HSPA5: variants seen among roughly 807,000 people sequenced by gnomAD.
HSPA5 encodes the protein endoplasmic reticulum chaperone BiP.
A neutral mutation model predicts 49.5 loss-of-function variants in HSPA5; 16 were observed. The ratio of observed to expected loss-of-function variants is 0.32; its 90% CI spans 0.22 to 0.49. The LOEUF (loss-of-function observed/expected upper bound fraction) is 0.49, where lower values mean the gene tolerates loss of function less well. Among genes scored for constraint, HSPA5 ranks in the 20% least tolerant of loss-of-function variants. The pLI is 0.99. For synonymous variants in HSPA5, 271 were observed against 307.2 expected, an observed-to-expected ratio of 0.88 and a Z score of 1.23; for missense variants, 376 against 819.0, an observed-to-expected ratio of 0.46 and a Z score of 6.60.
In HSPA5 at chr9:125,239,641, G is replaced by A; in HGVS notation, c.493-108C>T. 1.2e-6 allele frequency: 1 copy of A among 817,302 alleles called. No individual in the cohort carries two copies. Among genetic ancestry groups the A allele is most frequent in the Non-Finnish European group, 2.0e-6 (1 of 498,266 alleles). 50.6% of individuals were successfully genotyped at this position (817,302 alleles called of 1,614,324 possible). A position where few individuals can be genotyped will look rare whatever the true frequency, so the allele number is the denominator to read the frequency against. ...TGCCTATAATCCCAGCACTTTGGGA[G>A]GCTGAGGCAGGAGGATCACCTGAGG... On this transcript the variant is annotated intron_variant, in intron 3 of 7. Coordinates refer to ENST00000324460, the MANE Select transcript of HSPA5 (RefSeq NM_005347.5). This position sits in a 1 kb window ranked among gnomAD's most constrained non-coding sequence, Gnocchi z 5.5.
At chr9:125,237,692 T>C (rs959378777) in intron 7 of HSPA5, among the ~76,000 whole-genome samples, 1 of 145,098 alleles carries the variant, frequency 6.9e-6, no homozygotes, top group Admixed American at 6.8e-5. Flanking sequence ...AAAAAAAGAA[T>C]GCTAAATATC....
In HSPA5 at chr9:125,238,612, C is replaced by G. The variant is rs201202868; in HGVS notation, c.1212G>C (p.Val404=). ...VAYGAAVQAG[V]LSGDQDTGDL... is the part of the protein sequence containing the mutation. The stretch of plus-strand genomic sequence containing the variant: ...TACCTGTATCTTGATCACCAGAGAG[C>G]ACACCAGCCTGGACAGCAGCACCAT... The change falls in exon 6 of 8, where the codon GTG becomes GTC. Residue 404 remains valine (V), a synonymous_variant. Transcript: ENST00000324460. 4.3e-6 allele frequency: 7 copies of G among 1,613,848 alleles called. No individual in the cohort carries two copies. The highest frequency in any genetic ancestry group is 5.9e-6 in the Non-Finnish European group (7 of 1,179,810).
Position 125,236,814 on chromosome 9 carries a change from C to T in HSPA5, c.1743G>A (p.Lys581=). The T allele has an allele frequency of 6.2e-7, 1 of 1,613,656 alleles. No homozygotes were observed. The highest frequency in any genetic ancestry group is 8.5e-7 in the Non-Finnish European group (1 of 1,179,690). ...CTTCAGAGGAAAGTTTACCTCCCAG[C>T]TTTTCTTTATCTCCAATCTGATTCT... is the stretch of plus-strand genomic sequence containing the variant. The part of the protein sequence containing the change: ...SLKNQIGDKE[K]LGGKLSSEDK... The change falls in exon 8 of 8, where the codon AAG becomes AAA. Residue 581 remains lysine, a synonymous_variant. Transcript: ENST00000324460.
Position 125,239,777 on chromosome 9 carries a change from A to C in HSPA5, c.493-244T>G, listed in dbSNP as rs1832541277. ...TGGTGGTGTGCCTGTAGTTCCAGTT[A>C]CTTGGGAGGCTGAGGCAGGAGAGCT... On this transcript the variant is annotated intron_variant, in intron 3 of 7. Transcript: ENST00000324460. The surrounding 1 kb of genome is among the most constrained non-coding windows in gnomAD (Gnocchi z 5.5). Among the ~76,000 whole-genome samples the C allele has an allele frequency of 6.6e-6, 1 of 151,528 alleles. No homozygotes were observed. The highest frequency in any genetic ancestry group is 1.5e-5 in the Non-Finnish European group (1 of 67,930).
chr9:125,241,051 C>T lies in HSPA5; in HGVS notation c.76G>A (p.Asp26Asn), dbSNP rs61999288. 1.0e-4 allele frequency: 165 copies of T among 1,613,924 alleles called. No individual in the cohort carries two copies. The highest frequency in any genetic ancestry group is 1.2e-4 in the Non-Finnish European group (143 of 1,180,010). Reference protein sequence around the residue: ...ARAEEEDKKEDVGTVVGIDLG... With the variant: ...ARAEEEDKKENVGTVVGIDLG... ...TCGATGCCGACCACCGTGCCCACGT[C>T]CTCCTTCTTGTCCTCCTCCTCGGCC... The change falls in exon 1 of 8, where the codon GAC (aspartate) becomes AAC (asparagine). Residue 26 changes from aspartate to asparagine, a missense_variant. Coordinates refer to ENST00000324460, the MANE Select transcript of HSPA5 (RefSeq NM_005347.5).
Position 125,240,196 on chromosome 9 carries a change from G to T in HSPA5, c.468C>A (p.Thr156=), listed in dbSNP as rs187155224. 6.2e-7 allele frequency: 1 copy of T among 1,602,162 alleles called. No individual in the cohort carries two copies. Among genetic ancestry groups the T allele is most frequent in the Non-Finnish European group, 8.5e-7 (1 of 1,176,298 alleles). ...SAMVLTKMKE[T]AEAYLGKKVT... is the part of the protein sequence containing the mutation. Reference sequence around the variant, plus strand: ...CCTTCTTTCCCAAATAAGCCTCAGCGGTTTCTTTCATTTTAGTGAGAACCA... The same window carrying T: ...CCTTCTTTCCCAAATAAGCCTCAGCTGTTTCTTTCATTTTAGTGAGAACCA... Residue 156 remains threonine (T), a synonymous_variant, in exon 3 of 8, where the codon ACC becomes ACA. Transcript: ENST00000324460. This position sits in a 1 kb window ranked among gnomAD's most constrained non-coding sequence, Gnocchi z 4.4.
At chr9:125,238,337 TTC>T in intron 6 of HSPA5, 29 bp from the exon 7 acceptor site, 1 of 1,590,900 alleles carries the variant, frequency 6.3e-7, no homozygotes, top group Non-Finnish European at 8.6e-7. Context: ...TAACTTTTAA[TTC>T]AAGTTCTCCC....
chr9:125,236,971 T>G lies in HSPA5; in HGVS notation c.1586A>C (p.Asp529Ala), dbSNP rs758725284. 6.2e-7 allele frequency: 1 copy of G among 1,613,994 alleles called. No individual in the cohort carries two copies. The highest frequency in any genetic ancestry group is 8.5e-7 in the Non-Finnish European group (1 of 1,179,882). Reference protein sequence around the residue: ...GNKNKITITNDQNRLTPEEIE... With the variant: ...GNKNKITITNAQNRLTPEEIE... ...TTCTTCAGGTGTCAGGCGATTCTGG[T>G]CATTGGTGATTGTGATCTTATTTTT... The change falls in exon 8 of 8, where the codon GAC becomes GCC. Residue 529 changes from aspartate to alanine, a missense_variant. Asp to Ala is a moderately radical substitution (Grantham distance 126). Around this residue, in one of 8 missense-constraint regions of HSPA5, gnomAD observed 71 missense variants for 169.9 expected, o/e 0.42. Transcript: ENST00000324460.
At chr9:125,237,608 C>T (rs1041193109) in intron 7 of HSPA5, among the ~76,000 whole-genome samples, 2 of 149,946 alleles carry the variant, frequency 1.3e-5, no homozygotes, top group Non-Finnish European at 3.0e-5. Flanking sequence ...CCCAGCTATT[C>T]GGGAGGCAGA....
chr9:125,236,899 T>C lies in HSPA5; in HGVS notation c.1658A>G (p.Lys553Arg). 1.2e-6 allele frequency: 2 copies of C among 1,614,004 alleles called. No individual in the cohort carries two copies. Among genetic ancestry groups the C allele is most frequent in the African/African-American group, 1.3e-5 (1 of 75,058 alleles). The change falls in exon 8 of 8, where the codon AAA becomes AGA. Residue 553 changes from lysine to arginine, a missense_variant. Coordinates refer to ENST00000324460, the MANE Select transcript of HSPA5 (RefSeq NM_005347.5). ...NDAEKFAEED[K>R]KLKERIDTRN... ...AGTATCAATGCGCTCCTTGAGCTTT[T>C]TGTCTTCCTCAGCAAACTTCTCAGC...
Position 125,239,318 on chromosome 9 carries a change from T to C in HSPA5, c.619A>G (p.Ile207Val). The change falls in exon 5 of 8, where the codon ATT becomes GTT. Residue 207 changes from isoleucine (I) to valine (V), a missense_variant. Around this residue, in one of 8 missense-constraint regions of HSPA5, gnomAD observed 89 missense variants for 200.0 expected, o/e 0.44. Transcript: ENST00000324460. This position sits in a 1 kb window ranked among gnomAD's most constrained non-coding sequence, Gnocchi z 5.5. ...RIINEPTAAA[I>V]AYGLDKREGE... is the part of the protein sequence containing the mutation. Reference sequence around the variant, plus strand: ...TCCCTCTTATCCAGGCCATAAGCAATAGCAGCTGCCGTACTATTAGATTGA... The same window carrying C: ...TCCCTCTTATCCAGGCCATAAGCAACAGCAGCTGCCGTACTATTAGATTGA... 1 of 1,612,534 alleles carries C rather than the reference T, an allele frequency of 6.2e-7. No homozygotes were observed. Among genetic ancestry groups the C allele is most frequent in the Non-Finnish European group, 8.5e-7 (1 of 1,178,590 alleles).
chr9:125,240,620 T>TA lies in HSPA5; in HGVS notation c.354+55dup. 7.0e-7 allele frequency: 1 copy of TA among 1,429,130 alleles called. No individual in the cohort carries two copies. Among genetic ancestry groups the TA allele is most frequent in the Non-Finnish European group, 9.8e-7 (1 of 1,017,458 alleles). The allele number at this position is 1,429,130 out of a possible 1,614,324, so 88.5% of individuals were successfully genotyped here. Reference sequence around the variant, plus strand: ...ACACTTTTCCAGAGACTTATAACTCTAAATACTCCCACCACCCACCCGTTC... The same window carrying TA: ...ACACTTTTCCAGAGACTTATAACTCTAAAATACTCCCACCACCCACCCGTTC... On this transcript the variant is annotated intron_variant, in intron 2 of 7. Coordinates refer to ENST00000324460, the MANE Select transcript of HSPA5 (RefSeq NM_005347.5). The surrounding 1 kb of genome is among the most constrained non-coding windows in gnomAD (Gnocchi z 4.4).
intron 5 of HSPA5, 47 bp downstream of exon 5, chr9:125,238,894 A>C: frequency 6.2e-7 from 1 of 1,606,228 alleles, no homozygotes; most frequent in Non-Finnish European, 8.5e-7. Flanking sequence ...TCCTGAATTC[A>C]GAGTCTAAGG....
chr9:125,237,909 C>T (rs1832518005), intron 7 of HSPA5, among the ~76,000 whole-genome samples: 1 of 152,056 alleles, frequency 6.6e-6, no homozygotes. Flanking sequence ...GGAGACCAGC[C>T]TGGGAAACAT....
In HSPA5 at chr9:125,236,410, C is replaced by A; in HGVS notation, c.*182G>T. On this transcript the variant is annotated 3_prime_UTR_variant, in exon 8 of 8. Transcript: ENST00000324460. Reference sequence around the variant, plus strand: ...GGCCAATTCTTCTTCTCCCCCCCACCCAAAGACATGTGAGCAACTGCTAAT... The same window carrying A: ...GGCCAATTCTTCTTCTCCCCCCCACACAAAGACATGTGAGCAACTGCTAAT... The A allele has an allele frequency of 2.0e-6, 1 of 498,282 alleles. No homozygotes were observed. Among genetic ancestry groups the A allele is most frequent in the Non-Finnish European group, 3.5e-6 (1 of 285,850 alleles). 30.9% of individuals were successfully genotyped at this position (498,282 alleles called of 1,614,324 possible).
Position 125,241,137 on chromosome 9 carries a change from A to G in HSPA5, c.-11T>C. The G allele has an allele frequency of 2.5e-6, 4 of 1,609,172 alleles. No homozygotes were observed. The highest frequency in any genetic ancestry group is 3.4e-6 in the Non-Finnish European group (4 of 1,178,324). ...CAGGGAGAGCTTCATCTTGCCAGCC[A>G]GTTGGGCAGCAGCAGGCAGTCCAGC... On this transcript the variant is annotated 5_prime_UTR_variant, in exon 1 of 8. Coordinates refer to ENST00000324460, the MANE Select transcript of HSPA5 (RefSeq NM_005347.5).
chr9:125,238,259 A>G lies in HSPA5; in HGVS notation c.1284T>C (p.Thr428=), dbSNP rs373604834. 1.2e-6 allele frequency: 2 copies of G among 1,613,850 alleles called. No individual in the cohort carries two copies. Among genetic ancestry groups the G allele is most frequent in the African/African-American group, 2.7e-5 (2 of 74,938 alleles). ...DVCPLTLGIE[T]VGGVMTKLIP... ...TCAGTTTGGTCATGACACCTCCCACAGTTTCAATACCAAGTGTAAGGGGAC... is the reference window on the plus strand; with the variant it reads ...TCAGTTTGGTCATGACACCTCCCACGGTTTCAATACCAAGTGTAAGGGGAC... The change falls in exon 7 of 8, where the codon ACT becomes ACC. Residue 428 remains threonine (T), a synonymous_variant. Coordinates refer to ENST00000324460, the MANE Select transcript of HSPA5 (RefSeq NM_005347.5).
chr9:125,238,880 A>G, intron 5 of HSPA5, 53 bp from the exon 6 acceptor site: 1 of 1,605,352 alleles, frequency 6.2e-7, no homozygotes, highest in Non-Finnish European at 8.5e-7. Context: ...ATCTAGATGC[A>G]ATGTCCTGAA....
At position 125,236,704 on chromosome 9, in the gene HSPA5, G is replaced by T. The variant is rs1275953631; in HGVS notation, c.1853C>A (p.Ala618Asp). 1 of 1,613,750 alleles carries T rather than the reference G, an allele frequency of 6.2e-7. No individual in the cohort carries two copies. The highest frequency in any genetic ancestry group is 1.7e-4 in the Middle Eastern group (1 of 6,056). ...AATTTCTTCCAGTTCCTTCTTCTTAGCTTTGAAGTCTTCAATGTCAGCATC... is the reference window on the plus strand; with the variant it reads ...AATTTCTTCCAGTTCCTTCTTCTTATCTTTGAAGTCTTCAATGTCAGCATC... Reference protein sequence around the residue: ...HQDADIEDFKAKKKELEEIVQ... With the variant: ...HQDADIEDFKDKKKELEEIVQ... The change falls in exon 8 of 8, where the codon GCT becomes GAT. Residue 618 changes from alanine (A) to aspartate (D), a missense_variant. This residue lies in a region of HSPA5 where 72 missense variants were observed against 87.8 expected (regional missense o/e 0.82). Coordinates refer to ENST00000324460, the MANE Select transcript of HSPA5 (RefSeq NM_005347.5).
Sources: allele counts gnomAD v4.1 joint callset (sites outside exome capture counted in the v4.1 genomes callset), GRCh38; gene constraint gnomAD v4.1.1; regional missense constraint gnomAD v4.1.1; non-coding constraint Gnocchi (gnomAD v3.1); transcripts MANE v1.5; gene names NCBI Gene and HGNC (gene_info 2026-07-23, HGNC 2026-07-21).